AKAP19: variants seen among roughly 807,000 people sequenced by gnomAD.
The protein encoded by AKAP19 is A-kinase anchoring protein 19.
At chr2:189,910,811 G>T in the AKAP19 span, among the ~76,000 whole-genome samples, 4 of 151,972 alleles carry the variant, frequency 2.6e-5, no homozygotes, top group Non-Finnish European at 5.9e-5. Context: ...TTTTAAAAGG[G>T]TGTTTATAAG....
chr2:190,133,499 A>G, the AKAP19 span, among the ~76,000 whole-genome samples: 3 of 152,294 alleles, frequency 2.0e-5, no homozygotes, highest in South Asian at 2.1e-4. Flanking sequence ...GAAAAGCAGT[A>G]TGAAGGTTCC....
the AKAP19 span, among the ~76,000 whole-genome samples, chr2:189,987,832 A>C: frequency 1.3e-5 from 2 of 152,168 alleles, no homozygotes; most frequent in Non-Finnish European, 2.9e-5. Flanking sequence ...CAAGGGGTTC[A>C]CCTTGCCCGC....
At chr2:189,919,355 GTTAA>G in the AKAP19 span, among the ~76,000 whole-genome samples, 4 of 151,988 alleles carry the variant, frequency 2.6e-5, no homozygotes, top group East Asian at 1.9e-4. Flanking sequence ...TGTACCAAAT[GTTAA>G]TTAATTGTGT....
the AKAP19 span, among the ~76,000 whole-genome samples, chr2:189,908,794 A>G: frequency 6.6e-6 from 1 of 152,206 alleles, no homozygotes; most frequent in East Asian, 1.9e-4. Context: ...GTCCTTAAGA[A>G]TATTCCATGT....
chr2:189,979,068 T>TA, the AKAP19 span, among the ~76,000 whole-genome samples: 228 of 143,924 alleles, frequency 1.6e-3, no homozygotes, highest in Non-Finnish European at 2.3e-3. Flanking sequence ...TTCACAGAAG[T>TA]AAAAAAAAAA....
chr2:189,986,368 C>A, the AKAP19 span, among the ~76,000 whole-genome samples: 6 of 142,452 alleles, frequency 4.2e-5, no homozygotes, highest in African/African-American at 1.0e-4. Context: ...GATGGGGGAG[C>A]AAAAAAAAAA....
chr2:190,072,537 G>A, the AKAP19 span, among the ~76,000 whole-genome samples: 1 of 152,314 alleles, frequency 6.6e-6, no homozygotes, highest in Admixed American at 6.5e-5. Flanking sequence ...AAAAAAATTT[G>A]TAGTGAATGC....
the AKAP19 span, among the ~76,000 whole-genome samples, chr2:189,980,639 T>G: frequency 1.3e-5 from 2 of 152,146 alleles, no homozygotes; most frequent in Non-Finnish European, 2.9e-5. Context: ...CCAGCCCAAA[T>G]TTTCACTTAT....
At chr2:190,029,262 G>A in the AKAP19 span, among the ~76,000 whole-genome samples, 1 of 152,058 alleles carries the variant, frequency 6.6e-6, no homozygotes, top group African/African-American at 2.4e-5. Flanking sequence ...ATGTTGGTCA[G>A]GCTGGTCTTA....
chr2:189,918,611 A>G, the AKAP19 span, among the ~76,000 whole-genome samples: 1 of 152,218 alleles, frequency 6.6e-6, no homozygotes, highest in South Asian at 2.1e-4. Flanking sequence ...TTTGAGTTAA[A>G]GAGTTAAACA....
At chr2:190,199,406 A>G in the AKAP19 span, among the ~76,000 whole-genome samples, 1 of 144,198 alleles carries the variant, frequency 6.9e-6, no homozygotes, top group South Asian at 2.1e-4. Flanking sequence ...GATAAATCTA[A>G]GCTAGCAAAA....
At chr2:190,005,251 C>T in the AKAP19 span, among the ~76,000 whole-genome samples, 6 of 152,176 alleles carry the variant, frequency 3.9e-5, no homozygotes, top group African/African-American at 1.4e-4. Flanking sequence ...GCAGCTGGCT[C>T]AGGTGGCCAG....
the AKAP19 span, among the ~76,000 whole-genome samples, chr2:190,073,214 G>A: frequency 1.3e-5 from 2 of 152,248 alleles, no homozygotes; most frequent in African/African-American, 4.8e-5. Context: ...TGGAAGACCT[G>A]TATGAAATGA....
the AKAP19 span, among the ~76,000 whole-genome samples, chr2:190,113,608 G>A: frequency 7.9e-5 from 12 of 152,260 alleles, no homozygotes; most frequent in African/African-American, 2.4e-4. Flanking sequence ...ACCAAGAAGT[G>A]CAGAGGAATT....
the AKAP19 span, among the ~76,000 whole-genome samples, chr2:189,967,692 T>C: frequency 6.6e-6 from 1 of 152,108 alleles, no homozygotes; most frequent in Admixed American, 6.5e-5. Context: ...TGCACACCTG[T>C]AGTCCCAGCT....
At chr2:190,180,678 C>A in the AKAP19 span, 3 of 985,548 alleles carry the variant, frequency 3.0e-6, no homozygotes, top group African/African-American at 1.7e-5. The surrounding 1 kb of genome is among the most constrained non-coding windows in gnomAD (Gnocchi z 6.8). Flanking sequence ...ATCGAGGCAA[C>A]CCTCTGCCAC....
chr2:189,910,347 A>T, the AKAP19 span, among the ~76,000 whole-genome samples: 236 of 152,132 alleles, frequency 1.6e-3, no homozygotes, highest in African/African-American at 3.9e-3. Flanking sequence ...GGTACAGTGT[A>T]TTACTTTATT....
chr2:190,175,194 T>G, the AKAP19 span, among the ~76,000 whole-genome samples: 2 of 152,098 alleles, frequency 1.3e-5, no homozygotes, highest in Non-Finnish European at 2.9e-5. Flanking sequence ...TGTCTATTAA[T>G]GATGCTTTAA....
At chr2:189,968,824 CTCTAA>C in the AKAP19 span, among the ~76,000 whole-genome samples, 1 of 151,870 alleles carries the variant, frequency 6.6e-6, no homozygotes, top group Non-Finnish European at 1.5e-5. Flanking sequence ...CTTTTATATA[CTCTAA>C]TCAAGAAAGT....
Sources: allele counts gnomAD v4.1 joint callset (sites outside exome capture counted in the v4.1 genomes callset), GRCh38; gene constraint gnomAD v4.1.1; non-coding constraint Gnocchi (gnomAD v3.1); transcripts MANE v1.5; gene names NCBI Gene and HGNC (gene_info 2026-07-23, HGNC 2026-07-21).